The following ATP10D variants were observed in gnomAD, a reference collection of about 807,000 sequenced individuals.
ATP10D encodes phospholipid-transporting ATPase VD.
In ATP10D, 89 loss-of-function variants were observed where a neutral mutation model predicts 144.8. The observed-to-expected ratio is 0.61, with a 90% CI of 0.52 to 0.73. The LOEUF (loss-of-function observed/expected upper bound fraction) is 0.73, where lower values mean the gene tolerates loss of function less well. ATP10D is among the 30% of genes least tolerant of loss of function. The pLI is 0.00. For synonymous variants in ATP10D, 571 were observed against 615.1 expected (o/e 0.93, Z 1.06); for missense variants, 1,603 against 1,714.8 (o/e 0.93, Z 1.15).
Position 47,558,038 on chromosome 4 carries a change from A to C in ATP10D, c.2199A>C (p.Leu733Phe), listed in dbSNP as rs753802742. The C allele has an allele frequency of 1.2e-6, 2 of 1,614,228 alleles. No individual in the cohort carries two copies. Among genetic ancestry groups the C allele is most frequent in the Non-Finnish European group, 1.7e-6 (2 of 1,180,038 alleles). ...YEAESPDEAA[L>F]VYAARAYQCT... ...CCGAGAGCCCAGACGAAGCGGCCTT[A>C]GTGTATGCCGCCAGGGCTTACCAAT... is the stretch of plus-strand genomic sequence containing the variant. Residue 733 changes from leucine (L) to phenylalanine (F), a missense_variant, in exon 12 of 23, where the codon TTA becomes TTC. Physicochemically the swap from Leu to Phe is conservative, Grantham distance 22. Coordinates refer to ENST00000273859, the MANE Select transcript of ATP10D (RefSeq NM_020453.4).
intron 3 of ATP10D, among the ~76,000 whole-genome samples, chr4:47,517,183 G>T (rs1321616281): frequency 6.6e-6 from 1 of 152,174 alleles, no homozygotes; most frequent in Non-Finnish European, 1.5e-5. Flanking sequence ...GGAGGCTGAG[G>T]TGGCTGGATT....
intron 2 of ATP10D, among the ~76,000 whole-genome samples, chr4:47,513,381 G>A (rs1290744002): frequency 6.6e-6 from 1 of 152,180 alleles, no homozygotes; most frequent in Non-Finnish European, 1.5e-5. Flanking sequence ...TTGCAGTTGT[G>A]CTAGGGAAAC....
chr4:47,535,675 TC>T (rs1189560218), intron 6 of ATP10D, 60 bp downstream of exon 6: 3 of 1,514,002 alleles, frequency 2.0e-6, no homozygotes, highest in Non-Finnish European at 1.8e-6. Flanking sequence ...TTAACATTTT[TC>T]ATTTACTCAA....
At chr4:47,549,376 A>G (rs1718608629) in intron 10 of ATP10D, among the ~76,000 whole-genome samples, 1 of 152,064 alleles carries the variant, frequency 6.6e-6, no homozygotes, top group Admixed American at 6.5e-5. Context: ...AAGGCATCTT[A>G]TTTATTTGCT....
chr4:47,586,109 A>T (rs1040323319), intron 21 of ATP10D, among the ~76,000 whole-genome samples: 1 of 152,162 alleles, frequency 6.6e-6, no homozygotes, highest in Admixed American at 6.5e-5. Context: ...TTACATTCCC[A>T]CTAACAATGT....
intron 10 of ATP10D, 92 bp downstream of exon 10, chr4:47,546,954 CTT>C: frequency 8.1e-7 from 1 of 1,236,088 alleles, no homozygotes; most frequent in Non-Finnish European, 1.2e-6. Flanking sequence ...ACTCTGTTGT[CTT>C]TTCTACCTTA....
chr4:47,548,984 G>A (rs1278685276), intron 10 of ATP10D, among the ~76,000 whole-genome samples: 1 of 152,178 alleles, frequency 6.6e-6, no homozygotes, highest in Admixed American at 6.5e-5. Flanking sequence ...CAAGTGGAAG[G>A]TTGTAAGATG....
chr4:47,486,030 T>A (rs1449510726), intron 1 of ATP10D, among the ~76,000 whole-genome samples: 1 of 152,152 alleles, frequency 6.6e-6, no homozygotes, highest in African/African-American at 2.4e-5. Context: ...TTCCCTAAGG[T>A]TGATTCCTTA....
At position 47,540,374 on chromosome 4, in the gene ATP10D, A is replaced by G. The variant is rs1199917742; in HGVS notation, c.1396+3436A>G. On this transcript the variant is annotated intron_variant, in intron 9 of 22. Coordinates refer to ENST00000273859, the MANE Select transcript of ATP10D (RefSeq NM_020453.4). ...TCTAGCTTCGAAATGTGTTCCATGTACTGGCAGCATCAGCAACACCCGGGC... is the reference window on the plus strand; with the variant it reads ...TCTAGCTTCGAAATGTGTTCCATGTGCTGGCAGCATCAGCAACACCCGGGC... Among the ~76,000 whole-genome samples the G allele has an allele frequency of 2.6e-5, 4 of 152,186 alleles. No individual in the cohort carries two copies. The East Asian group carries it at 7.7e-4, about 29-fold the overall frequency.
intron 1 of ATP10D, among the ~76,000 whole-genome samples, chr4:47,496,375 T>C (rs563175261): frequency 6.6e-6 from 1 of 152,118 alleles, no homozygotes; most frequent in Admixed American, 6.5e-5. Context: ...CAGGCTGGTC[T>C]TGAACTCCTG....
chr4:47,494,132 T>C (rs1034161297), intron 1 of ATP10D, among the ~76,000 whole-genome samples: 4 of 152,192 alleles, frequency 2.6e-5, no homozygotes, highest in Non-Finnish European at 5.9e-5. Context: ...TATGTTATTA[T>C]TTGCTTCTTG....
At chr4:47,561,211 A>C in intron 14 of ATP10D, 136 bp downstream of exon 14, 1 of 1,144,976 alleles carries the variant, frequency 8.7e-7, no homozygotes, top group Non-Finnish European at 1.2e-6. Flanking sequence ...TCTGATCTCT[A>C]TCCAACTTCC....
Position 47,539,886 on chromosome 4 carries a change from C to T in ATP10D, c.1396+2948C>T, listed in dbSNP as rs116255445. Among the ~76,000 whole-genome samples the T allele has an allele frequency of 5.5e-3, 841 of 152,282 alleles. 4 individuals carry two copies. Among genetic ancestry groups the T allele is most frequent in the African/African-American group, 0.019 (776 of 41,554 alleles). Reference sequence around the variant, plus strand: ...TAGTCACTGAACATACATATCCCTGCCCAAGTGAGTATTTTTCGTTTATGC... The same window carrying T: ...TAGTCACTGAACATACATATCCCTGTCCAAGTGAGTATTTTTCGTTTATGC... On this transcript the variant is annotated intron_variant, in intron 9 of 22. Coordinates refer to ENST00000273859, the MANE Select transcript of ATP10D (RefSeq NM_020453.4).
chr4:47,566,933 C>A lies in ATP10D; in HGVS notation c.2854-1904C>A, dbSNP rs975188110. ...GTTCCCCCCATAGGACACATCACAGCCTTTTTTGCTTGGAAACACTGCAGC... is the reference window on the plus strand; with the variant it reads ...GTTCCCCCCATAGGACACATCACAGACTTTTTTGCTTGGAAACACTGCAGC... On this transcript the variant is annotated intron_variant, in intron 15 of 22. Transcript: ENST00000273859. Among the ~76,000 whole-genome samples, 4 of 152,166 alleles carry A rather than the reference C, an allele frequency of 2.6e-5. No homozygotes were observed. The East Asian group carries it at 5.8e-4, about 22-fold the overall frequency.
chr4:47,586,135 T>C (rs528840672), intron 21 of ATP10D, among the ~76,000 whole-genome samples: 1 of 152,350 alleles, frequency 6.6e-6, no homozygotes, highest in East Asian at 1.9e-4. Context: ...GGTTCCCTTT[T>C]ATCCACATCC....
Position 47,563,664 on chromosome 4 carries a change from A to T in ATP10D, c.2752A>T (p.Met918Leu), listed in dbSNP as rs769247728. 1.1e-5 allele frequency: 17 copies of T among 1,613,914 alleles called. No individual in the cohort carries two copies. The highest frequency in any genetic ancestry group is 3.3e-5 in the Admixed American group (2 of 59,996). ...ALHKAGIKIWMLTGDKQETAV... is the reference protein window; with the variant it reads ...ALHKAGIKIWLLTGDKQETAV... ...TCACAAAGCGGGCATCAAGATCTGG[A>T]TGCTGACAGGGGACAAGCAGGAGAC... Residue 918 changes from methionine (M) to leucine (L), a missense_variant, in exon 15 of 23, where the codon ATG becomes TTG. Coordinates refer to ENST00000273859, the MANE Select transcript of ATP10D (RefSeq NM_020453.4).
chr4:47,566,204 G>A (rs1162223172), intron 15 of ATP10D, among the ~76,000 whole-genome samples: 1 of 152,142 alleles, frequency 6.6e-6, no homozygotes, highest in Non-Finnish European at 1.5e-5. Context: ...TTCCATCAAC[G>A]TTGTTCTTCA....
At chr4:47,544,819 A>G (rs3922408) in intron 9 of ATP10D, among the ~76,000 whole-genome samples, 35,722 of 152,084 alleles carry the variant, frequency 0.23, 4,196 homozygotes, top group Admixed American at 0.3. Flanking sequence ...ACTTTATCCT[A>G]TAGCTAAATA....
chr4:47,582,043 G>C lies in ATP10D; in HGVS notation c.3732G>C (p.Leu1244=). 1 of 1,613,842 alleles carries C rather than the reference G, an allele frequency of 6.2e-7. No individual in the cohort carries two copies. The highest frequency in any genetic ancestry group is 2.2e-5 in the East Asian group (1 of 44,872). ...CTCTGTTCATCGTTCTCCTCCATCT[G>C]GTCATTGAAAGCAAGAGTTTGGTGA... ...TAALFIVLLH[L]VIESKSLTWI... is the part of the protein sequence containing the mutation. Residue 1244 remains leucine, a synonymous_variant, in exon 21 of 23, where the codon CTG becomes CTC. Coordinates refer to ENST00000273859, the MANE Select transcript of ATP10D (RefSeq NM_020453.4).
Sources: gnomAD v4.1 joint callset for allele counts (sites outside exome capture counted in the v4.1 genomes callset) on GRCh38, gnomAD v4.1.1 for gene constraint, MANE v1.5 for transcripts, NCBI Gene and HGNC (gene_info 2026-07-23, HGNC 2026-07-21) for gene names.